The following RAP1GDS1 variants were observed in gnomAD, a reference collection of about 807,000 sequenced individuals.
The protein encoded by RAP1GDS1 is RAP1, GTP-GDP dissociation stimulator 1.
RAP1GDS1 carries 35 observed loss-of-function variants against 71.1 expected under a neutral mutation model. The ratio of observed to expected loss-of-function variants is 0.49; its 90% CI spans 0.38 to 0.65. The LOEUF is 0.65. Ranked by LOEUF, RAP1GDS1 falls within the 30% of genes least tolerant of loss-of-function variation. The pLI is 0.00. For missense variants in RAP1GDS1, 663 were observed against 706.1 expected, an observed-to-expected ratio of 0.94 and a Z score of 0.69; for synonymous variants, 229 against 243.1, an observed-to-expected ratio of 0.94 and a Z score of 0.54.
At chr4:98,363,545 G>T (rs1473066008) in intron 4 of RAP1GDS1, among the ~76,000 whole-genome samples, 1 of 150,972 alleles carries the variant, frequency 6.6e-6, no homozygotes, top group Non-Finnish European at 1.5e-5. Context: ...AAGGGATTTG[G>T]TAGAAATTCA....
Position 98,374,988 on chromosome 4 carries a change from T to C in RAP1GDS1, c.362-4029T>C, listed in dbSNP as rs116440729. On this transcript the variant is annotated intron_variant, in intron 4 of 14. Coordinates refer to ENST00000408927, the MANE Select transcript of RAP1GDS1 (RefSeq NM_001100427.2). ...GAAACTTAAATATTTCACAGTGTTG[T>C]ATTATATTCTATTATATGGAGTGGT... is the stretch of plus-strand genomic sequence containing the variant. Among the ~76,000 whole-genome samples the C allele has an allele frequency of 3.6e-3, 541 of 152,332 alleles. 3 individuals carry two copies. The highest frequency in any genetic ancestry group is 0.012 in the African/African-American group (507 of 41,584).
intron 11 of RAP1GDS1, among the ~76,000 whole-genome samples, chr4:98,420,431 C>T (rs1456175353): frequency 6.6e-6 from 1 of 151,582 alleles, no homozygotes; most frequent in Non-Finnish European, 1.5e-5. Context: ...AGTGGTGCGA[C>T]CTCAGCTCAC....
intron 2 of RAP1GDS1, among the ~76,000 whole-genome samples, chr4:98,309,515 G>A (rs1560810994): frequency 7.5e-6 from 1 of 132,528 alleles, no homozygotes; most frequent in Non-Finnish European, 1.7e-5. Flanking sequence ...AAGAATAATG[G>A]AAATATTAAA....
Position 98,388,816 on chromosome 4 carries a change from A to T in RAP1GDS1, c.509-3136A>T, listed in dbSNP as rs181332327. 2.0e-5 allele frequency among the ~76,000 whole-genome samples: 3 copies of T among 152,236 alleles called. No homozygotes were observed. The East Asian group carries it at 5.8e-4, about 29-fold the overall frequency. ...TTTAGATGTCTAAAAATTATAGAAG[A>T]CCTAGAAGACTTTTTTTATGTATTT... On this transcript the variant is annotated intron_variant, in intron 5 of 14. Transcript: ENST00000408927.
At chr4:98,297,560 A>G (rs1364427001) in intron 2 of RAP1GDS1, among the ~76,000 whole-genome samples, 1 of 152,108 alleles carries the variant, frequency 6.6e-6, no homozygotes, top group Non-Finnish European at 1.5e-5. Flanking sequence ...CTTTGATGTT[A>G]CTATTGTGAT....
At chr4:98,403,684 A>G (rs976005329) in intron 6 of RAP1GDS1, among the ~76,000 whole-genome samples, 1 of 152,194 alleles carries the variant, frequency 6.6e-6, no homozygotes, top group Non-Finnish European at 1.5e-5. Flanking sequence ...GGATAGCCTC[A>G]GGTGAGAATA....
At chr4:98,267,813 AGCATGT>A (rs1722907983) in intron 1 of RAP1GDS1, among the ~76,000 whole-genome samples, 3 of 152,222 alleles carry the variant, frequency 2.0e-5, no homozygotes, top group African/African-American at 7.2e-5. Flanking sequence ...AAGATCCAAG[AGCATGT>A]GCCTTTTTGG....
chr4:98,406,623 AT>A (rs1221753150), intron 7 of RAP1GDS1, among the ~76,000 whole-genome samples: 1 of 152,084 alleles, frequency 6.6e-6, no homozygotes, highest in Non-Finnish European at 1.5e-5. Flanking sequence ...AGATAGAAGA[AT>A]AAGGTTATAG....
chr4:98,417,788 T>G (rs527294001), intron 9 of RAP1GDS1, among the ~76,000 whole-genome samples: 1 of 152,308 alleles, frequency 6.6e-6, no homozygotes, highest in South Asian at 2.1e-4. Flanking sequence ...TACATCTGCT[T>G]TCTTTTGCCT....
chr4:98,387,771 A>G (rs1742986120), intron 5 of RAP1GDS1, among the ~76,000 whole-genome samples: 1 of 152,162 alleles, frequency 6.6e-6, no homozygotes, highest in African/African-American at 2.4e-5. Context: ...AGTGTTTGCT[A>G]TGTATGGGCC....
chr4:98,299,867 C>T (rs2110293827), intron 2 of RAP1GDS1, among the ~76,000 whole-genome samples: 1 of 152,104 alleles, frequency 6.6e-6, no homozygotes, highest in African/African-American at 2.4e-5. Context: ...GATCCACCTG[C>T]CCCTGCCTCC....
At chr4:98,375,035 T>A (rs1201561787) in intron 4 of RAP1GDS1, among the ~76,000 whole-genome samples, 1 of 152,204 alleles carries the variant, frequency 6.6e-6, no homozygotes, top group Admixed American at 6.5e-5. Flanking sequence ...CTAGGGCTGC[T>A]GTAACAAAGT....
At chr4:98,391,487 A>G (rs1743656961) in intron 5 of RAP1GDS1, among the ~76,000 whole-genome samples, 1 of 152,098 alleles carries the variant, frequency 6.6e-6, no homozygotes, top group African/African-American at 2.4e-5. Context: ...TTAATTTTGT[A>G]TTATGAAAAG....
Position 98,323,116 on chromosome 4 carries a change from A to G in RAP1GDS1, c.113-20023A>G, listed in dbSNP as rs1256653344. On this transcript the variant is annotated intron_variant, in intron 2 of 14. Coordinates refer to ENST00000408927, the MANE Select transcript of RAP1GDS1 (RefSeq NM_001100427.2). The stretch of plus-strand genomic sequence containing the variant: ...TCACCACCGATCCCACAGAAATACA[A>G]ACTACCATCAGAGAATACTACAAAC... Among the ~76,000 whole-genome samples the G allele has an allele frequency of 7.7e-3, 1,155 of 150,460 alleles. 13 individuals carry two copies. Among genetic ancestry groups the G allele is most frequent in the African/African-American group, 0.027 (1,103 of 40,548 alleles).
intron 1 of RAP1GDS1, among the ~76,000 whole-genome samples, chr4:98,263,833 A>G (rs1385654655): frequency 1.3e-5 from 2 of 152,210 alleles, no homozygotes; most frequent in African/African-American, 2.4e-5. Context: ...ACAGAAAGGT[A>G]TAATTGTACC....
intron 3 of RAP1GDS1, among the ~76,000 whole-genome samples, chr4:98,345,821 T>C (rs1247178439): frequency 6.6e-6 from 1 of 152,222 alleles, no homozygotes; most frequent in Non-Finnish European, 1.5e-5. Context: ...TTCATTTCTT[T>C]TCAGTAAATG....
At chr4:98,268,093 C>T (rs184953291) in intron 1 of RAP1GDS1, among the ~76,000 whole-genome samples, 1 of 152,120 alleles carries the variant, frequency 6.6e-6, no homozygotes, top group African/African-American at 2.4e-5. Flanking sequence ...GATTTGCAGT[C>T]TCATCACATT....
At chr4:98,290,906 A>G (rs1331747279) in intron 1 of RAP1GDS1, among the ~76,000 whole-genome samples, 1 of 152,136 alleles carries the variant, frequency 6.6e-6, no homozygotes, top group Non-Finnish European at 1.5e-5. Flanking sequence ...TTATTCAGGA[A>G]GAGAAGAGGC....
chr4:98,331,807 G>A (rs1220427955), intron 2 of RAP1GDS1, among the ~76,000 whole-genome samples: 1 of 152,160 alleles, frequency 6.6e-6, no homozygotes, highest in Non-Finnish European at 1.5e-5. Flanking sequence ...TTGAGCTTGG[G>A]AAAGCCTGCC....
Sources: gnomAD v4.1 joint callset for allele counts (sites outside exome capture counted in the v4.1 genomes callset) on GRCh38, gnomAD v4.1.1 for gene constraint, MANE v1.5 for transcripts, NCBI Gene and HGNC (gene_info 2026-07-23, HGNC 2026-07-21) for gene names.